Variants in CASP5 observed in about 807,000 individuals in gnomAD.
CASP5 encodes the protein caspase 5.
CASP5 carries 42 observed loss-of-function variants against 45.2 expected under a neutral mutation model. The observed-to-expected ratio is 0.93, with a 90% CI of 0.73 to 1.20. The LOEUF (loss-of-function observed/expected upper bound fraction) is 1.20. Among genes scored for constraint, CASP5 ranks in the 50% most tolerant of loss-of-function variants. CASP5 has a pLI of 0.00. For synonymous variants in CASP5, 209 were observed against 186.2 expected (o/e 1.12, Z -1.00); for missense variants, 512 against 532.2 (o/e 0.96, Z 0.37).
intron 5 of CASP5, among the ~76,000 whole-genome samples, chr11:105,001,389 G>A (rs1861715726): frequency 1.3e-5 from 2 of 152,188 alleles, no homozygotes; most frequent in Admixed American, 1.3e-4. Context: ...TTCCTGGGCC[G>A]GGTGCGGTGG....
At chr11:105,020,420 C>T (rs1193850579) in intron 1 of CASP5, among the ~76,000 whole-genome samples, 1 of 150,320 alleles carries the variant, frequency 6.7e-6, no homozygotes, top group African/African-American at 2.5e-5. Flanking sequence ...ATTGTCTCAG[C>T]CCAAAATCTC....
At chr11:104,996,947 A>G (rs528519991) in intron 8 of CASP5, among the ~76,000 whole-genome samples, 1 of 151,988 alleles carries the variant, frequency 6.6e-6, no homozygotes, top group Non-Finnish European at 1.5e-5. Flanking sequence ...GTAATTGCAC[A>G]TTTTTTTGTT....
rs116308892 is a variant in CASP5, at chr11:104,999,711, T to C, written c.952+550A>G. On this transcript the variant is annotated intron_variant, in intron 6 of 9. Transcript: ENST00000260315. ...CAGTTTTCAGTTAAATTATTGCTGC[T>C]TTCTTAAAGAAACAAAACAAAATAT... Among the ~76,000 whole-genome samples, 1,372 of 152,320 alleles carry C rather than the reference T, an allele frequency of 9.0e-3. 24 individuals carry two copies. The highest frequency in any genetic ancestry group is 0.031 in the African/African-American group (1,288 of 41,558).
rs190703418 is a variant in CASP5 at position 104,997,472 on chromosome 11, G to A, written c.1117C>T (p.Arg373Cys). The stretch of plus-strand genomic sequence containing the variant: ...GTAATGAAGATGGAGCCCCTTGTGC[G>A]GTCTCTCCAGGACACGTTATCTATG... ...STPHNVSWRD[R>C]TRGSIFITEL... The change falls in exon 8 of 10, where the codon CGC becomes TGC. Residue 373 changes from arginine to cysteine, a missense_variant. Physicochemically the swap from Arg to Cys is radical, Grantham distance 180. Transcript: ENST00000260315. 43 of 1,611,322 alleles carry A rather than the reference G, an allele frequency of 2.7e-5. No individual in the cohort carries two copies. Among genetic ancestry groups the A allele is most frequent in the Non-Finnish European group, 3.3e-5 (39 of 1,177,796 alleles).
At position 105,003,424 on chromosome 11, in the gene CASP5, T is replaced by C. The variant is rs1476763281; in HGVS notation, c.434-41A>G. The C allele has an allele frequency of 2.8e-6, 3 of 1,089,756 alleles. No homozygotes were observed. In the East Asian group the frequency reaches 7.4e-5, roughly 27 times the overall value. The allele number at this position is 1,089,756 out of a possible 1,614,324, so 67.5% of individuals were successfully genotyped here. A position where few individuals can be genotyped will look rare whatever the true frequency, so the allele number is the denominator to read the frequency against. ...AAATATAAATTATGGTTTCTGCCTC[T>C]GTGACCCAATTTATCACCTAAGAAC... is the stretch of plus-strand genomic sequence containing the variant. On this transcript the variant is annotated intron_variant, in intron 3 of 9. Transcript: ENST00000260315.
chr11:105,009,748 TATATATATATAC>T (rs1257775346), intron 1 of CASP5, among the ~76,000 whole-genome samples: 14 of 65,802 alleles, frequency 2.1e-4, no homozygotes, highest in South Asian at 4.3e-4. Flanking sequence ...TATATATATA[TATATATATATAC>T]ACACACACAC....
intron 1 of CASP5, among the ~76,000 whole-genome samples, chr11:105,021,181 A>C (rs895794115): frequency 6.6e-5 from 10 of 151,016 alleles, no homozygotes; most frequent in East Asian, 3.9e-4. Context: ...AAGACTTAAA[A>C]GTTAGACCTA....
intron 5 of CASP5, among the ~76,000 whole-genome samples, chr11:105,001,128 C>T (rs1166547735): frequency 6.6e-6 from 1 of 152,208 alleles, no homozygotes; most frequent in Non-Finnish European, 1.5e-5. Context: ...AAAAACATCG[C>T]ACCCCATCCA....
intron 5 of CASP5, 46 bp downstream of exon 5, chr11:105,001,982 T>C: frequency 6.4e-7 from 1 of 1,571,088 alleles, no homozygotes; most frequent in Non-Finnish European, 8.6e-7. Flanking sequence ...ATTAGAAGAA[T>C]CTGTGTTGCC....
At chr11:105,009,926 C>T (rs532275040) in intron 1 of CASP5, among the ~76,000 whole-genome samples, 3 of 125,442 alleles carry the variant, frequency 2.4e-5, no homozygotes, top group African/African-American at 9.2e-5. Context: ...TATATACACA[C>T]ATACACACAC....
chr11:104,999,875 C>T (rs45495502), intron 6 of CASP5, among the ~76,000 whole-genome samples: 8 of 152,324 alleles, frequency 5.3e-5, no homozygotes, highest in Non-Finnish European at 1.2e-4. Flanking sequence ...GTGCTTGTAT[C>T]ACATAATAAC....
intron 5 of CASP5, among the ~76,000 whole-genome samples, 163 bp from the exon 6 acceptor site, chr11:105,000,658 G>T (rs1456189093): frequency 1.4e-5 from 2 of 147,212 alleles, no homozygotes; most frequent in Non-Finnish European, 1.5e-5. Flanking sequence ...TTTTTGTTTT[G>T]TTTTTTTTTT....
intron 1 of CASP5, among the ~76,000 whole-genome samples, chr11:105,010,962 A>G (rs2134734355): frequency 6.6e-6 from 1 of 151,864 alleles, no homozygotes; most frequent in East Asian, 1.9e-4. Context: ...CAGAGCCCCA[A>G]CTCTTAAGTC....
chr11:105,008,788 G>A lies in CASP5; in HGVS notation c.181+19C>T. 3 of 1,562,284 alleles carry A rather than the reference G, an allele frequency of 1.9e-6. No individual in the cohort carries two copies. Among genetic ancestry groups the A allele is most frequent in the Middle Eastern group, 2.0e-4 (1 of 4,956 alleles). ...TTCTAAAAAATTGGAAATATCCATT[G>A]TAAAATATCCAGTCTTACTTTTTAC... On this transcript the variant is annotated intron_variant, in intron 2 of 9. Coordinates refer to ENST00000260315, the MANE Select transcript of CASP5 (RefSeq NM_004347.5).
rs45584833 is a variant in CASP5 at position 105,002,933 on chromosome 11, C to G, written c.543+341G>C. 9.8e-3 allele frequency among the ~76,000 whole-genome samples: 1,492 copies of G among 152,194 alleles called. 8 individuals carry two copies. The highest frequency in any genetic ancestry group is 0.017 in the Middle Eastern group (5 of 294). ...TGCATTTATGGCTGGCACTGTGGTTCCCGCCTGTAATCCCAGTGCTTTGGG... is the reference window on the plus strand; with the variant it reads ...TGCATTTATGGCTGGCACTGTGGTTGCCGCCTGTAATCCCAGTGCTTTGGG... On this transcript the variant is annotated intron_variant, in intron 4 of 9. Transcript: ENST00000260315.
chr11:105,006,960 T>C, intron 3 of CASP5, 123 bp downstream of exon 3: 10 of 877,932 alleles, frequency 1.1e-5, no homozygotes, highest in Non-Finnish European at 1.4e-5. Context: ...TGATGACATG[T>C]TTACTGAAAA....
chr11:105,007,440 T>C, intron 2 of CASP5, 106 bp from the exon 3 acceptor site: 1 of 1,085,938 alleles, frequency 9.2e-7, no homozygotes, highest in Non-Finnish European at 1.3e-6. Flanking sequence ...AAATACATTC[T>C]ATTTTACCAT....
intron 4 of CASP5, among the ~76,000 whole-genome samples, chr11:105,003,047 A>AT: frequency 6.6e-6 from 1 of 151,500 alleles, no homozygotes; most frequent in South Asian, 2.1e-4. Context: ...AATTAAAAAA[A>AT]AAATCAGCCT....
chr11:104,998,804 G>A (rs1861586756), intron 7 of CASP5, 81 bp downstream of exon 7: 2 of 1,352,800 alleles, frequency 1.5e-6, no homozygotes, highest in Non-Finnish European at 2.1e-6. Context: ...TTGTTGCATA[G>A]GGCCTATCTT....
Sources: gnomAD v4.1 joint callset for allele counts (sites outside exome capture counted in the v4.1 genomes callset) on GRCh38, gnomAD v4.1.1 for gene constraint, MANE v1.5 for transcripts, NCBI Gene and HGNC (gene_info 2026-07-23, HGNC 2026-07-21) for gene names.